Variants in ZPBP observed in about 807,000 individuals in gnomAD.
ZPBP encodes the protein zona pellucida binding protein.
ZPBP carries 26 observed loss-of-function variants against 44.8 expected under a neutral mutation model. The ratio of observed to expected loss-of-function variants is 0.58; its 90% CI spans 0.43 to 0.81. ZPBP has a LOEUF of 0.81. ZPBP is among the 30% of genes least tolerant of loss of function. The pLI is 0.00. For synonymous variants in ZPBP, 174 were observed against 153.2 expected (o/e 1.14, Z -1.00); for missense variants, 409 against 434.0 (o/e 0.94, Z 0.51).
intron 7 of ZPBP, among the ~76,000 whole-genome samples, chr7:49,939,414 A>G (rs1045702140): frequency 2.6e-5 from 4 of 152,200 alleles, no homozygotes; most frequent in Non-Finnish European, 5.9e-5. Flanking sequence ...TCCTATGTGT[A>G]GCACTCCTTC....
chr7:49,967,270 C>T (rs1446623070), intron 7 of ZPBP, among the ~76,000 whole-genome samples: 1 of 152,128 alleles, frequency 6.6e-6, no homozygotes, highest in East Asian at 1.9e-4. Flanking sequence ...TAACTGACCC[C>T]TTTCTTTCTT....
chr7:49,881,070 G>C (rs1791642368), intron 2 of ZPBP, among the ~76,000 whole-genome samples: 2 of 152,064 alleles, frequency 1.3e-5, no homozygotes, highest in Admixed American at 6.6e-5. Flanking sequence ...CCAATATCTT[G>C]CCCTATCTTG....
chr7:49,862,019 T>A (rs962239272), intron 2 of ZPBP, among the ~76,000 whole-genome samples: 8 of 152,194 alleles, frequency 5.3e-5, no homozygotes, highest in Non-Finnish European at 1.2e-4. Flanking sequence ...TAAAAAATGG[T>A]TGTTGGAATT....
chr7:49,911,978 A>G, intron 1 of ZPBP: 1 of 1,355,536 alleles, frequency 7.4e-7, no homozygotes, highest in Non-Finnish European at 9.8e-7. Flanking sequence ...ATACCTAATT[A>G]TATATATTAT....
chr7:50,051,099 AC>A (rs1274706746), intron 4 of ZPBP, among the ~76,000 whole-genome samples: 1 of 152,106 alleles, frequency 6.6e-6, no homozygotes, highest in Admixed American at 6.6e-5. Context: ...AAGAAAAAAA[AC>A]AACCCCATTA....
intron 1 of ZPBP, chr7:49,917,708 C>T (rs1293348652): frequency 1.3e-5 from 2 of 151,968 alleles, no homozygotes; most frequent in South Asian, 2.1e-4. Context: ...TATATTAAGA[C>T]CAACATATAC....
chr7:49,869,380 G>A (rs1216757144), intron 2 of ZPBP, among the ~76,000 whole-genome samples: 1 of 152,182 alleles, frequency 6.6e-6, no homozygotes, highest in Non-Finnish European at 1.5e-5. Flanking sequence ...TGGCCAGGAG[G>A]AGAAGGGGAG....
At chr7:49,903,747 T>C (rs761953071) in intron 1 of ZPBP, among the ~76,000 whole-genome samples, 3 of 152,166 alleles carry the variant, frequency 2.0e-5, no homozygotes, top group Non-Finnish European at 4.4e-5. Flanking sequence ...CCAGGGTTTG[T>C]GGTCTTGCTC....
chr7:49,872,625 G>A (rs1004370467), intron 2 of ZPBP, among the ~76,000 whole-genome samples: 1 of 151,724 alleles, frequency 6.6e-6, no homozygotes, highest in African/African-American at 2.4e-5. Flanking sequence ...AGAATTTGGG[G>A]CTGGGCGCAG....
intron 2 of ZPBP, among the ~76,000 whole-genome samples, chr7:50,087,185 C>T (rs186965059): frequency 1.7e-4 from 26 of 152,048 alleles, no homozygotes; most frequent in Middle Eastern, 3.4e-3. Flanking sequence ...CATTACATAC[C>T]AACTTGTTCT....
intron 7 of ZPBP, among the ~76,000 whole-genome samples, chr7:49,975,567 A>C (rs1173896474): frequency 6.6e-6 from 1 of 152,142 alleles, no homozygotes. Context: ...CCCAGAAAAC[A>C]AAGTTTTCTT....
At chr7:49,978,765 T>C (rs1796641203) in intron 7 of ZPBP, among the ~76,000 whole-genome samples, 1 of 152,062 alleles carries the variant, frequency 6.6e-6, no homozygotes, top group South Asian at 2.1e-4. Context: ...TAATTTAAAA[T>C]ACAGGGTAAT....
At chr7:50,073,909 T>C (rs2128845038) in intron 3 of ZPBP, among the ~76,000 whole-genome samples, 1 of 151,908 alleles carries the variant, frequency 6.6e-6, no homozygotes, top group Middle Eastern at 3.4e-3. Flanking sequence ...CTAAAGGGAG[T>C]ACTTCAGTTA....
At chr7:49,877,985 C>A (rs1791514164) in intron 2 of ZPBP, among the ~76,000 whole-genome samples, 2 of 152,024 alleles carry the variant, frequency 1.3e-5, no homozygotes, top group African/African-American at 4.8e-5. Context: ...TAATCTTCTC[C>A]TTTCTTGATA....
At chr7:50,072,200 T>C (rs796970913) in intron 3 of ZPBP, among the ~76,000 whole-genome samples, 5 of 152,140 alleles carry the variant, frequency 3.3e-5, no homozygotes, top group African/African-American at 1.2e-4. Context: ...GGAACATTGG[T>C]GGTAGTTGGC....
intron 7 of ZPBP, among the ~76,000 whole-genome samples, chr7:49,981,298 TATATATAATTATATATTATATAATATATA>T (rs1796867252): frequency 1.6e-5 from 1 of 61,156 alleles, no homozygotes; most frequent in African/African-American, 5.1e-5. Flanking sequence ...TAATATATAT[TATATATAATTATATATTATATAATATATA>T]TTATAATTAT....
intron 1 of ZPBP, chr7:49,912,093 G>C (rs770578022): frequency 5.0e-6 from 8 of 1,614,062 alleles, no homozygotes; most frequent in Non-Finnish European, 6.8e-6. Context: ...GAAGACTGAC[G>C]AGTGCACCAT....
chr7:49,894,956 A>T (rs1219934714), intron 2 of ZPBP, among the ~76,000 whole-genome samples: 1 of 152,222 alleles, frequency 6.6e-6, no homozygotes, highest in Admixed American at 6.5e-5. Flanking sequence ...GGGATGGAAG[A>T]TGGCTCTTCC....
intron 6 of ZPBP, among the ~76,000 whole-genome samples, chr7:50,011,744 A>G (rs1425401624): frequency 7.0e-6 from 1 of 142,372 alleles, no homozygotes; most frequent in Non-Finnish European, 1.5e-5. Flanking sequence ...ACTACTAAAT[A>G]ACTCAAGAAT....
Sources: allele counts gnomAD v4.1 joint callset (sites outside exome capture counted in the v4.1 genomes callset), GRCh38; gene constraint gnomAD v4.1.1; transcripts MANE v1.5; gene names NCBI Gene and HGNC (gene_info 2026-07-23, HGNC 2026-07-21).